CCDC171: variants seen among roughly 807,000 people sequenced by gnomAD.
The protein encoded by CCDC171 is coiled-coil domain-containing protein 171.
A neutral mutation model predicts 168.2 loss-of-function variants in CCDC171; 177 were observed. The observed-to-expected ratio is 1.05, with a 90% confidence interval of 0.93 to 1.19. CCDC171 has a LOEUF of 1.19. Among genes scored for constraint, CCDC171 ranks in the 50% most tolerant of loss-of-function variants. The pLI is 0.00. For synonymous variants in CCDC171, 687 were observed against 540.8 expected (o/e 1.27, Z -3.75); for missense variants, 1,991 against 1,539.0 (o/e 1.29, Z -4.91).
chr9:15,598,100 C>G (rs2042521699), intron 6 of CCDC171, among the ~76,000 whole-genome samples: 1 of 152,068 alleles, frequency 6.6e-6, no homozygotes, highest in Non-Finnish European at 1.5e-5. Flanking sequence ...AAAAAACCAC[C>G]TCCTGGATTC....
upstream of CCDC171, among the ~76,000 whole-genome samples, chr9:16,040,892 A>G (rs954800182): frequency 2.6e-5 from 4 of 151,178 alleles, no homozygotes; most frequent in Admixed American, 6.6e-5. Flanking sequence ...TTTTTTTTTC[A>G]GCCAAAAATA....
chr9:15,655,865 C>G (rs1368890036), intron 7 of CCDC171, among the ~76,000 whole-genome samples: 3 of 152,202 alleles, frequency 2.0e-5, no homozygotes, highest in Admixed American at 6.5e-5. Context: ...GAGATAACCA[C>G]TACATGCCTA....
At chr9:15,754,908 A>C (rs1373091362) in intron 18 of CCDC171, among the ~76,000 whole-genome samples, 1 of 152,182 alleles carries the variant, frequency 6.6e-6, no homozygotes, top group Non-Finnish European at 1.5e-5. Context: ...TGTAAAAAAT[A>C]AGGTCAAATG....
chr9:15,567,115 G>A (rs2039807492), intron 2 of CCDC171, among the ~76,000 whole-genome samples: 3 of 147,422 alleles, frequency 2.0e-5, no homozygotes, highest in South Asian at 2.2e-4. Flanking sequence ...TCTGTCCCCC[G>A]GGTTCAGGTG....
the CCDC171 span, among the ~76,000 whole-genome samples, chr9:16,085,876 T>C: frequency 6.6e-6 from 1 of 152,238 alleles, no homozygotes. Context: ...TGGTACTCTT[T>C]ATTCTCTTTT....
At chr9:15,831,199 C>G (rs2060216824) in intron 21 of CCDC171, among the ~76,000 whole-genome samples, 1 of 151,872 alleles carries the variant, frequency 6.6e-6, no homozygotes, top group Non-Finnish European at 1.5e-5. Flanking sequence ...GTCTCGAACT[C>G]CTAACCTTGT....
At chr9:15,860,877 A>G (rs540157121) in intron 23 of CCDC171, among the ~76,000 whole-genome samples, 99 of 151,102 alleles carry the variant, frequency 6.6e-4, no homozygotes, top group African/African-American at 2.0e-3. Flanking sequence ...GTTGCTGTCT[A>G]TATTCCCTTC....
At chr9:15,941,597 A>C (rs1188070223) in intron 25 of CCDC171, among the ~76,000 whole-genome samples, 1 of 151,976 alleles carries the variant, frequency 6.6e-6, no homozygotes, top group African/African-American at 2.4e-5. Flanking sequence ...TGATATTTTT[A>C]ATGTTTCAAA....
At chr9:15,928,078 T>G (rs1291656829) in intron 25 of CCDC171, among the ~76,000 whole-genome samples, 1 of 151,624 alleles carries the variant, frequency 6.6e-6, no homozygotes, top group Admixed American at 6.6e-5. Context: ...TAGAAACCAA[T>G]CAGATTACAA....
intron 3 of CCDC171, among the ~76,000 whole-genome samples, chr9:16,002,135 ATTTTTTTTTT>A (rs76881347): frequency 8.8e-5 from 9 of 102,468 alleles, no homozygotes; most frequent in African/African-American, 3.3e-4. Context: ...GCCTACTATC[ATTTTTTTTTT>A]TTTTTTTTTT....
intron 23 of CCDC171, among the ~76,000 whole-genome samples, chr9:15,873,503 A>G (rs1309230286): frequency 1.3e-5 from 2 of 152,048 alleles, no homozygotes; most frequent in Non-Finnish European, 2.9e-5. Context: ...TAATTGTATA[A>G]TATTTATTAA....
intron 3 of CCDC171, among the ~76,000 whole-genome samples, chr9:15,573,416 G>T (rs1587058446): frequency 6.6e-6 from 1 of 152,126 alleles, no homozygotes; most frequent in Non-Finnish European, 1.5e-5. Context: ...CCAGTAGCTG[G>T]GACTACAGGC....
chr9:15,986,412 CACTT>C (rs1484088308), intron 3 of CCDC171, among the ~76,000 whole-genome samples: 1 of 152,200 alleles, frequency 6.6e-6, no homozygotes, highest in Non-Finnish European at 1.5e-5. Context: ...TGCCATAAGA[CACTT>C]AAAGTTCTCT....
chr9:15,894,930 C>T (rs1342249471), intron 24 of CCDC171, among the ~76,000 whole-genome samples: 2 of 152,094 alleles, frequency 1.3e-5, no homozygotes, highest in Non-Finnish European at 2.9e-5. Flanking sequence ...GTATCTTCAG[C>T]ACCTAGAACA....
chr9:16,068,090 A>T, the CCDC171 span, among the ~76,000 whole-genome samples: 1 of 149,590 alleles, frequency 6.7e-6, no homozygotes, highest in African/African-American at 2.5e-5. Flanking sequence ...CCTTAAGCTG[A>T]TAAGCAACTT....
At chr9:15,754,312 C>A (rs116896330) in intron 18 of CCDC171, among the ~76,000 whole-genome samples, 1 of 152,050 alleles carries the variant, frequency 6.6e-6, no homozygotes, top group Non-Finnish European at 1.5e-5. Context: ...TTGTGTGAAA[C>A]TGGGCACGTT....
intron 23 of CCDC171, among the ~76,000 whole-genome samples, chr9:15,862,806 G>C (rs2131008146): frequency 6.6e-6 from 1 of 152,082 alleles, no homozygotes; most frequent in African/African-American, 2.4e-5. Context: ...GAACCTCATA[G>C]AACCTCATCA....
chr9:15,960,900 G>A (rs2132634528), intron 25 of CCDC171, among the ~76,000 whole-genome samples: 1 of 152,194 alleles, frequency 6.6e-6, no homozygotes, highest in South Asian at 2.1e-4. Flanking sequence ...ATGGTCAGTG[G>A]GGAAATAAAG....
chr9:15,830,534 A>G (rs1588727706), intron 21 of CCDC171, among the ~76,000 whole-genome samples: 1 of 152,336 alleles, frequency 6.6e-6, no homozygotes, highest in East Asian at 1.9e-4. Flanking sequence ...AAAGTCCCTA[A>G]TAATAGGAAG....
Sources: gnomAD v4.1 joint callset for allele counts (sites outside exome capture counted in the v4.1 genomes callset) on GRCh38, gnomAD v4.1.1 for gene constraint, MANE v1.5 for transcripts, NCBI Gene and HGNC (gene_info 2026-07-23, HGNC 2026-07-21) for gene names.